CNBD1: variants seen among roughly 807,000 people sequenced by gnomAD.
CNBD1 encodes cyclic nucleotide-binding domain-containing protein 1.
A neutral mutation model predicts 54.4 loss-of-function variants in CNBD1; 71 were observed. The ratio of observed to expected loss-of-function variants is 1.30; its 90% CI spans 1.08 to 1.59. CNBD1 has a LOEUF of 1.59. CNBD1 is among the 40% of genes most tolerant of loss of function. CNBD1 has a pLI of 0.00. For missense variants in CNBD1, 659 were observed against 518.0 expected, an observed-to-expected ratio of 1.27 and a Z score of -2.64; for synonymous variants, 182 against 170.7, an observed-to-expected ratio of 1.07 and a Z score of -0.51.
At chr8:86,962,695 A>G (rs567892926) in intron 4 of CNBD1, among the ~76,000 whole-genome samples, 2 of 152,220 alleles carry the variant, frequency 1.3e-5, no homozygotes, top group East Asian at 3.9e-4. Context: ...CTGAGGCAGG[A>G]GAATGGCATG....
At chr8:86,955,169 T>A (rs1310969118) in intron 4 of CNBD1, among the ~76,000 whole-genome samples, 1 of 152,190 alleles carries the variant, frequency 6.6e-6, no homozygotes, top group East Asian at 1.9e-4. Context: ...GAACTCATCA[T>A]TTTTTATGGC....
rs5893017 is a variant in CNBD1 at position 87,307,737 on chromosome 8, C to CA, written c.1042+21076dup. Among the ~76,000 whole-genome samples, 284 of 135,852 alleles carry CA rather than the reference C, an allele frequency of 2.1e-3. 3 individuals carry two copies. The highest frequency in any genetic ancestry group is 2.9e-3 in the Non-Finnish European group (186 of 64,650). 89.1% of individuals were successfully genotyped at this position (135,852 alleles called of 152,430 possible). On this transcript the variant is annotated intron_variant, in intron 8 of 10. Coordinates refer to ENST00000518476, the MANE Select transcript of CNBD1 (RefSeq NM_173538.3). ...TGGGCAAAAGAGTGAAACTCCGTCT[C>CA]AAAAAAAAAATTATATATATATATA... is the stretch of plus-strand genomic sequence containing the variant.
chr8:87,229,424 T>A (rs1814613273), intron 5 of CNBD1, among the ~76,000 whole-genome samples: 1 of 152,224 alleles, frequency 6.6e-6, no homozygotes, highest in Admixed American at 6.5e-5. Flanking sequence ...TATTAACAAA[T>A]GTCTCTTTTC....
Position 86,885,487 on chromosome 8 carries a change from A to G in CNBD1, c.89-2055A>G, listed in dbSNP as rs183167425. On this transcript the variant is annotated intron_variant, in intron 1 of 10. Coordinates refer to ENST00000518476, the MANE Select transcript of CNBD1 (RefSeq NM_173538.3). ...TTCTGCTTCTGTCAAAAGCCAGGCT[A>G]AGGCAAATCCATCAGGAAAAACAAG... Among the ~76,000 whole-genome samples the G allele has an allele frequency of 1.9e-3, 283 of 152,296 alleles. 1 individual carries two copies. Among genetic ancestry groups the G allele is most frequent in the African/African-American group, 6.2e-3 (256 of 41,574 alleles).
intron 4 of CNBD1, among the ~76,000 whole-genome samples, chr8:87,060,814 C>A (rs1242193953): frequency 6.6e-6 from 1 of 151,876 alleles, no homozygotes; most frequent in Non-Finnish European, 1.5e-5. Context: ...GGGAGCAAAT[C>A]CAATCTGTAA....
chr8:87,111,033 C>T (rs1195461333), intron 4 of CNBD1, among the ~76,000 whole-genome samples: 8 of 152,158 alleles, frequency 5.3e-5, no homozygotes, highest in Non-Finnish European at 7.3e-5. Flanking sequence ...AGGTGACAGA[C>T]TGGTAAAATA....
At chr8:87,066,748 A>G (rs1810663700) in intron 4 of CNBD1, among the ~76,000 whole-genome samples, 2 of 151,950 alleles carry the variant, frequency 1.3e-5, no homozygotes, top group Admixed American at 1.3e-4. Context: ...CTTCAATTAG[A>G]ATATAATTTA....
rs558725738 is a variant in CNBD1 at position 87,334,139 on chromosome 8, T to A, written c.1043-17546T>A. ...GTGTATGTGTCCAAGAATTTATTCA[T>A]TTCTTCTAGATTTTCTAGTTTGTTT... On this transcript the variant is annotated intron_variant, in intron 8 of 10. Transcript: ENST00000518476. 1.4e-4 allele frequency among the ~76,000 whole-genome samples: 22 copies of A among 152,276 alleles called. No individual in the cohort carries two copies. The East Asian group carries it at 4.2e-3, about 29-fold the overall frequency.
chr8:86,946,964 G>C (rs989543175), intron 4 of CNBD1, among the ~76,000 whole-genome samples: 1 of 152,088 alleles, frequency 6.6e-6, no homozygotes, highest in Non-Finnish European at 1.5e-5. Flanking sequence ...TTTTGTACTC[G>C]AGGATTTACC....
chr8:87,038,738 G>A (rs1317766710), intron 4 of CNBD1, among the ~76,000 whole-genome samples: 1 of 152,160 alleles, frequency 6.6e-6, no homozygotes, highest in Non-Finnish European at 1.5e-5. Context: ...TAAACTAAAT[G>A]TCTTCCAAAG....
intron 4 of CNBD1, among the ~76,000 whole-genome samples, chr8:87,115,279 T>C (rs531717314): frequency 3.9e-5 from 6 of 152,328 alleles, no homozygotes; most frequent in African/African-American, 1.2e-4. Context: ...GCAGTACTTA[T>C]CACAATAAAA....
At chr8:87,274,188 G>T (rs1024171368) in intron 6 of CNBD1, among the ~76,000 whole-genome samples, 1 of 151,452 alleles carries the variant, frequency 6.6e-6, no homozygotes, top group East Asian at 1.9e-4. Context: ...CATTTGGGTT[G>T]GTTCCAAGTC....
intron 6 of CNBD1, among the ~76,000 whole-genome samples, chr8:87,262,014 C>T (rs534675302): frequency 5.3e-5 from 8 of 151,332 alleles, no homozygotes; most frequent in Admixed American, 2.0e-4. Context: ...ATTAGCCTGA[C>T]GTGGTGGTGC....
At chr8:87,388,030 A>T (rs1289577518) in intron 2 of CNBD1, among the ~76,000 whole-genome samples, 2 of 152,228 alleles carry the variant, frequency 1.3e-5, no homozygotes, top group Non-Finnish European at 2.9e-5. Context: ...AAATGAAGGC[A>T]GAAATAAAGA....
rs1271246775 is a variant in CNBD1 at position 87,353,140 on chromosome 8, A to G, written c.1153-496A>G. On this transcript the variant is annotated intron_variant, in intron 9 of 10. Coordinates refer to ENST00000518476, the MANE Select transcript of CNBD1 (RefSeq NM_173538.3). ...GTTCCCTGAGTCAAACTCATTTTCC[A>G]TGTTTCTTTTGTACTTAAACAGAAA... is the stretch of plus-strand genomic sequence containing the variant. Among the ~76,000 whole-genome samples the G allele has an allele frequency of 4.6e-5, 7 of 152,130 alleles. No individual in the cohort carries two copies. In the East Asian group the frequency reaches 1.3e-3, roughly 29 times the overall value.
At chr8:87,371,133 T>C (rs1312919397) in intron 10 of CNBD1, among the ~76,000 whole-genome samples, 1 of 151,796 alleles carries the variant, frequency 6.6e-6, no homozygotes, top group South Asian at 2.1e-4. Context: ...TACTGTAGCC[T>C]TGTAGTATAG....
intron 3 of CNBD1, among the ~76,000 whole-genome samples, chr8:86,928,432 G>A (rs1809401655): frequency 6.6e-6 from 1 of 152,116 alleles, no homozygotes; most frequent in Non-Finnish European, 1.5e-5. Flanking sequence ...TGGTCTCCAG[G>A]CACAGTGAAG....
At chr8:87,385,326 C>T (rs568915505), downstream of CNBD1, among the ~76,000 whole-genome samples, 1 of 152,102 alleles carries the variant, frequency 6.6e-6, no homozygotes, top group Admixed American at 6.5e-5. Context: ...CAAGGCATCG[C>T]CTCACCCGGG....
At position 87,162,528 on chromosome 8, in the gene CNBD1, T is replaced by A. The variant is rs971554412; in HGVS notation, c.432-43465T>A. ...GTTGTTTTCCCTGTTGATCATAAAT[T>A]GATAAAAACATAGAGGTTTTGGATT... On this transcript the variant is annotated intron_variant, in intron 4 of 10. Transcript: ENST00000518476. 5.9e-5 allele frequency among the ~76,000 whole-genome samples: 9 copies of A among 152,124 alleles called. No homozygotes were observed. The East Asian group carries it at 1.7e-3, about 29-fold the overall frequency.
Sources: gnomAD v4.1 joint callset for allele counts (sites outside exome capture counted in the v4.1 genomes callset) on GRCh38, gnomAD v4.1.1 for gene constraint, MANE v1.5 for transcripts, NCBI Gene and HGNC (gene_info 2026-07-23, HGNC 2026-07-21) for gene names.